The following CAP2 variants were observed in gnomAD, a reference collection of about 807,000 sequenced individuals.
CAP2 encodes the protein adenylyl cyclase-associated protein 2.
Under a neutral mutation model 57.7 loss-of-function variants are expected in CAP2, and 24 were observed. That is an observed-to-expected ratio of 0.42 (90% confidence interval 0.30 to 0.58). CAP2 has a LOEUF of 0.58. Ranked by LOEUF, CAP2 falls within the 20% of genes least tolerant of loss-of-function variation. The pLI is 0.22. For missense variants in CAP2, 501 were observed against 590.3 expected, an observed-to-expected ratio of 0.85 and a Z score of 1.57; for synonymous variants, 194 against 207.2, an observed-to-expected ratio of 0.94 and a Z score of 0.55.
Position 17,505,605 on chromosome 6 carries a change from G to T in CAP2, c.301-1564G>T, listed in dbSNP as rs115579780. Among the ~76,000 whole-genome samples the T allele has an allele frequency of 4.6e-3, 694 of 152,284 alleles. 10 individuals are homozygous for T. Among genetic ancestry groups the T allele is most frequent in the African/African-American group, 0.016 (665 of 41,564 alleles). ...AATCTCAGAAATTAAAGAGCTGTAAGGAGCTTTTCTATTTTACCTCCTGCA... is the reference window on the plus strand; with the variant it reads ...AATCTCAGAAATTAAAGAGCTGTAATGAGCTTTTCTATTTTACCTCCTGCA... On this transcript the variant is annotated intron_variant, in intron 4 of 12. Transcript: ENST00000229922.
chr6:17,519,804 T>C (rs1361311016), intron 7 of CAP2, among the ~76,000 whole-genome samples: 3 of 152,226 alleles, frequency 2.0e-5, no homozygotes, highest in Non-Finnish European at 4.4e-5. Context: ...TTTCTGTGAA[T>C]CTATAAATGC....
rs147171452 is a variant in CAP2, at chr6:17,522,954, C to CT, written c.636+9001dup. Among the ~76,000 whole-genome samples, 13 of 152,290 alleles carry CT rather than the reference C, an allele frequency of 8.5e-5. No individual in the cohort carries two copies. In the East Asian group the frequency reaches 2.5e-3, roughly 29 times the overall value. On this transcript the variant is annotated intron_variant, in intron 7 of 12. Transcript: ENST00000229922. ...GTACTACAGCCATATGCCACCATGCCTGGCTGATACCTCAGGTGATCCACT... is the reference window on the plus strand; with the variant it reads ...GTACTACAGCCATATGCCACCATGCCTTGGCTGATACCTCAGGTGATCCACT...
chr6:17,533,719 C>T (rs1016643250), intron 7 of CAP2, among the ~76,000 whole-genome samples: 4 of 151,974 alleles, frequency 2.6e-5, no homozygotes, highest in African/African-American at 9.7e-5. Context: ...CAGGCGTGTG[C>T]ACCATGCCGA....
rs2113610478 is a variant in CAP2 at position 17,472,212 on chromosome 6, T to C, written c.300+9139T>C. 2.6e-5 allele frequency among the ~76,000 whole-genome samples: 2 copies of C among 77,800 alleles called. 1 individual carries two copies. Among genetic ancestry groups the C allele is most frequent in the South Asian group, 8.7e-4 (2 of 2,306 alleles). The allele number at this position is 77,800 out of a possible 152,430, so 51.0% of individuals were successfully genotyped here. ...AGCCGGGCGTAGTGGCGGGCGCCTG[T>C]AGTCCCAGCTACTTGGGAGGCTGAG... On this transcript the variant is annotated intron_variant, in intron 4 of 12. Coordinates refer to ENST00000229922, the MANE Select transcript of CAP2 (RefSeq NM_006366.3).
intron 8 of CAP2, 57 bp downstream of exon 8, chr6:17,539,515 C>G: frequency 2.2e-6 from 3 of 1,380,862 alleles, no homozygotes; most frequent in Non-Finnish European, 3.0e-6. Flanking sequence ...CTCCCAGACA[C>G]AAAAGAGCCG....
chr6:17,507,197 T>TGA lies in CAP2; in HGVS notation c.329_330insGA (p.Ile110MetfsTer38). The stretch of plus-strand genomic sequence containing the variant: ...GACGTGGCCGCACTTCTGAAACCCA[T>TGA]ATCGGAAAAGATTCAGGAAATCCAA... On this transcript the variant is annotated frameshift_variant, in exon 5 of 13. Coordinates refer to ENST00000229922, the MANE Select transcript of CAP2 (RefSeq NM_006366.3). LOFTEE classifies it high-confidence loss of function. 6.2e-7 allele frequency: 1 copy of TGA among 1,614,044 alleles called. No individual in the cohort carries two copies. Among genetic ancestry groups the TGA allele is most frequent in the Non-Finnish European group, 8.5e-7 (1 of 1,180,026 alleles).
intron 6 of CAP2, among the ~76,000 whole-genome samples, chr6:17,509,532 G>A (rs62393842): frequency 2.6e-5 from 4 of 152,132 alleles, no homozygotes; most frequent in African/African-American, 9.6e-5. Flanking sequence ...ACAAAAAGCC[G>A]AGCGTGGTGG....
At chr6:17,517,498 C>T (rs928291405) in intron 7 of CAP2, among the ~76,000 whole-genome samples, 1 of 152,164 alleles carries the variant, frequency 6.6e-6, no homozygotes, top group African/African-American at 2.4e-5. Flanking sequence ...TTACTATGTA[C>T]AACACATTCA....
rs76199510 is a variant in CAP2, at chr6:17,454,614, T to C, written c.223-8382T>C. Among the ~76,000 whole-genome samples, 393 of 152,324 alleles carry C rather than the reference T, an allele frequency of 2.6e-3. 3 individuals are homozygous for C. Among genetic ancestry groups the C allele is most frequent in the African/African-American group, 9.0e-3 (376 of 41,584 alleles). ...TCATGTGGCTTCTTTATAAATACTT[T>C]TGGGTGGTGATAGTTCCCATGACTG... On this transcript the variant is annotated intron_variant, in intron 3 of 12. Coordinates refer to ENST00000229922, the MANE Select transcript of CAP2 (RefSeq NM_006366.3).
intron 6 of CAP2, 36 bp downstream of exon 6, chr6:17,507,762 G>A: frequency 1.7e-6 from 2 of 1,155,896 alleles, no homozygotes; most frequent in Non-Finnish European, 2.6e-6. Flanking sequence ...ATTTTCAGTT[G>A]ATTACTTGTT....
chr6:17,461,239 AG>A (rs201169870), intron 3 of CAP2, among the ~76,000 whole-genome samples: 2 of 149,302 alleles, frequency 1.3e-5, no homozygotes, highest in African/African-American at 4.9e-5. Flanking sequence ...TCTTTTTTTG[AG>A]ACGTAGTCTC....
At chr6:17,458,421 T>C (rs2113589880) in intron 3 of CAP2, among the ~76,000 whole-genome samples, 1 of 152,348 alleles carries the variant, frequency 6.6e-6, no homozygotes, top group East Asian at 1.9e-4. Flanking sequence ...CAAATCTTGG[T>C]TTGATTTCAA....
chr6:17,432,971 CCT>C (rs1311599043), intron 3 of CAP2, among the ~76,000 whole-genome samples: 21 of 148,000 alleles, frequency 1.4e-4, no homozygotes, highest in African/African-American at 4.8e-4. Flanking sequence ...CTCCCCCCTC[CCT>C]CCCTCTCTCC....
At chr6:17,446,108 G>C (rs1760251218) in intron 3 of CAP2, among the ~76,000 whole-genome samples, 1 of 152,170 alleles carries the variant, frequency 6.6e-6, no homozygotes, top group Non-Finnish European at 1.5e-5. Flanking sequence ...GTCTGTGATA[G>C]ATGAGACATT....
intron 1 of CAP2, among the ~76,000 whole-genome samples, chr6:17,403,407 G>A (rs925224890): frequency 1.3e-5 from 2 of 152,080 alleles, no homozygotes; most frequent in African/African-American, 4.8e-5. Context: ...CCAGCCACCT[G>A]GACTCATTTT....
Position 17,463,619 on chromosome 6 carries a change from G to A in CAP2, c.300+546G>A, listed in dbSNP as rs185694730. 2.7e-4 allele frequency among the ~76,000 whole-genome samples: 41 copies of A among 152,258 alleles called. 1 individual carries two copies. Among genetic ancestry groups the A allele is most frequent in the East Asian group, 1.4e-3 (7 of 5,170 alleles). ...GTTAAGTGTTTTGTGTTTATGGGTC[G>A]TCTACGGAGCTTCATTGCAGTTTCT... is the stretch of plus-strand genomic sequence containing the variant. On this transcript the variant is annotated intron_variant, in intron 4 of 12. Coordinates refer to ENST00000229922, the MANE Select transcript of CAP2 (RefSeq NM_006366.3).
At chr6:17,540,897 C>A in intron 8 of CAP2, 76 bp from the exon 9 acceptor site, 1 of 1,389,802 alleles carries the variant, frequency 7.2e-7, no homozygotes, top group Non-Finnish European at 9.9e-7. Flanking sequence ...TCTTTATTTA[C>A]ATCATGTTGA....
At chr6:17,401,304 A>G (rs1317463060) in intron 1 of CAP2, among the ~76,000 whole-genome samples, 1 of 152,176 alleles carries the variant, frequency 6.6e-6, no homozygotes, top group Non-Finnish European at 1.5e-5. Flanking sequence ...ATGAGCCAGA[A>G]AGTGGGCCTT....
rs528891417 is a variant in CAP2 at position 17,424,053 on chromosome 6, C to T, written c.121+2377C>T. On this transcript the variant is annotated intron_variant, in intron 2 of 12. Coordinates refer to ENST00000229922, the MANE Select transcript of CAP2 (RefSeq NM_006366.3). ...TTTACCTTACATGTAAACATCATTA[C>T]GACAATGTTATAACAAAAGTTATTT... 4.6e-5 allele frequency among the ~76,000 whole-genome samples: 7 copies of T among 152,076 alleles called. 1 individual carries two copies. The highest frequency in any genetic ancestry group is 4.2e-4 in the South Asian group (2 of 4,816).
Sources: gnomAD v4.1 joint callset for allele counts (sites outside exome capture counted in the v4.1 genomes callset) on GRCh38, gnomAD v4.1.1 for gene constraint, MANE v1.5 for transcripts, NCBI Gene and HGNC (gene_info 2026-07-23, HGNC 2026-07-21) for gene names.